GUK1: variants seen among roughly 807,000 people sequenced by gnomAD.
The protein encoded by GUK1 is guanylate kinase 1.
Under a neutral mutation model 25.2 loss-of-function variants are expected in GUK1, and 18 were observed. That is an observed-to-expected ratio of 0.71 (90% CI 0.49 to 1.06). The LOEUF (loss-of-function observed/expected upper bound fraction) is 1.06, where lower values mean the gene tolerates loss of function less well. GUK1 is among the 50% of genes least tolerant of loss of function. The probability of loss-of-function intolerance (pLI) is 0.00; values close to 1 mark genes in which losing one functional copy is unlikely to be tolerated. For missense variants in GUK1, 261 were observed against 276.7 expected (o/e 0.94, Z 0.40); for synonymous variants, 105 against 117.6 (o/e 0.89, Z 0.69).
rs148626860 is a variant in GUK1 at position 228,142,478 on chromosome 1, T to C, written c.-3+1190T>C. On this transcript the variant is annotated intron_variant, in intron 2 of 8. Transcript: ENST00000312726. ...CGGGCCCAGCCTCACCTCAATAGCT[T>C]ACTGCTCCCTCAGGAGGGAGGAGGG... Among the ~76,000 whole-genome samples, 16 of 152,052 alleles carry C rather than the reference T, an allele frequency of 1.1e-4. No homozygotes were observed. In the East Asian group the frequency reaches 3.1e-3, roughly 30 times the overall value.
chr1:228,148,375 G>A lies in GUK1; in HGVS notation c.480G>A (p.Lys160=). The change falls in exon 8 of 9, where the codon AAG becomes AAA. Residue 160 remains lysine (K), a synonymous_variant. Coordinates refer to ENST00000312726, the MANE Select transcript of GUK1 (RefSeq NM_000858.7). ...GACCCCAGGCCCCACCCACAGGCAA[G>A]GAGCCCGGCCTGTTTGATGTGGTCA... The A allele has an allele frequency of 6.4e-7, 1 of 1,556,384 alleles. No homozygotes were observed. The highest frequency in any genetic ancestry group is 2.3e-5 in the East Asian group (1 of 43,880).
chr1:228,140,706 C>A (rs1263097728), intron 1 of GUK1, among the ~76,000 whole-genome samples: 1 of 152,256 alleles, frequency 6.6e-6, no homozygotes, highest in Non-Finnish European at 1.5e-5. Context: ...CTACCGCTGG[C>A]CCGGCGCGGT....
At chr1:228,144,062 G>C (rs1291294268) in intron 2 of GUK1, among the ~76,000 whole-genome samples, 1 of 148,886 alleles carries the variant, frequency 6.7e-6, no homozygotes, top group Non-Finnish European at 1.5e-5. Context: ...TTTGCTTGGT[G>C]TGCGTGCATT....
intron 2 of GUK1, chr1:228,144,639 A>C: frequency 1.3e-6 from 1 of 778,686 alleles, no homozygotes; most frequent in East Asian, 1.3e-4. Flanking sequence ...GTGGCTTAGA[A>C]GGGTGGGGCC....
At chr1:228,147,766 C>T (rs1019061880) in intron 7 of GUK1, 67 bp downstream of exon 6, 30 of 1,441,514 alleles carry the variant, frequency 2.1e-5, no homozygotes, top group African/African-American at 1.7e-4. Flanking sequence ...TCTGTGGCAC[C>T]AGGGACCCTG....
At chr1:228,141,414 G>A (rs1321606439) in intron 2 of GUK1, 4 of 370,084 alleles carry the variant, frequency 1.1e-5, no homozygotes, top group Non-Finnish European at 1.5e-5. Context: ...CCGGATGTGT[G>A]CCCAGAAACC....
In GUK1 at chr1:228,147,398, C is replaced by T. The variant is rs375124006; in HGVS notation, c.252-8C>T. 6.2e-7 allele frequency: 1 copy of T among 1,608,002 alleles called. No individual in the cohort carries two copies. The highest frequency in any genetic ancestry group is 8.5e-7 in the Non-Finnish European group (1 of 1,178,038). ...TGGCACCCCTGCTGACCTGGCACCT[C>T]TCCCCAGCAAGGTGGCGGTGCAGGC... On this transcript the variant is annotated splice_polypyrimidine_tract_variant and splice_region_variant and intron_variant, in intron 5 of 8. Transcript: ENST00000312726.
At chr1:228,147,326 G>C in intron 5 of GUK1, 80 bp from the exon 5 acceptor site, 2 of 1,384,158 alleles carry the variant, frequency 1.4e-6, no homozygotes, top group South Asian at 1.3e-5. Context: ...CGCTGGGCCC[G>C]GGAGGGCCTG....
chr1:228,140,430 G>A (rs1462301430), intron 1 of GUK1, 67 bp downstream of exon 1: 14 of 1,159,910 alleles, frequency 1.2e-5, no homozygotes, highest in Non-Finnish European at 1.6e-5. Flanking sequence ...TGCGCTTTGC[G>A]GTCGCCCAGT....
chr1:228,144,327 AC>A (rs951921653), intron 2 of GUK1: 1 of 152,238 alleles, frequency 6.6e-6, no homozygotes, highest in African/African-American at 2.4e-5. Context: ...GAGGCCATTC[AC>A]GCCTCGCCTG....
At chr1:228,141,769 G>A (rs1420848414) in intron 2 of GUK1, 55 of 1,294,426 alleles carry the variant, frequency 4.2e-5, no homozygotes, top group Non-Finnish European at 5.5e-5. Flanking sequence ...ATGGATCTGC[G>A]CCGGCGGCTC....
chr1:228,141,151 C>T lies in GUK1; in HGVS notation c.-140C>T, dbSNP rs1431078954. ...TTGCTCTGCTCTTTACCTGGGGTTG[C>T]TGTCGAGGACCCTGTGCAAGACTCG... On this transcript the variant is annotated 5_prime_UTR_variant, in exon 2 of 9. Coordinates refer to ENST00000312726, the MANE Select transcript of GUK1 (RefSeq NM_000858.7). 7 of 985,558 alleles carry T rather than the reference C, an allele frequency of 7.1e-6. No homozygotes were observed. The highest frequency in any genetic ancestry group is 8.4e-6 in the Non-Finnish European group (7 of 829,982). The allele number at this position is 985,558 out of a possible 1,614,324, so 61.1% of individuals were successfully genotyped here.
Position 228,147,561 on chromosome 1 carries a change from G to T in GUK1, c.390+17G>T. 1 of 1,613,112 alleles carries T rather than the reference G, an allele frequency of 6.2e-7. No individual in the cohort carries two copies. Among genetic ancestry groups the T allele is most frequent in the East Asian group, 2.2e-5 (1 of 44,870 alleles). Reference sequence around the variant, plus strand: ...CACGTGCTGGTGTGTGCTGGGCAGGGTTGGGGGCTGGGGGCCAGGGCATGC... The same window carrying T: ...CACGTGCTGGTGTGTGCTGGGCAGGTTTGGGGGCTGGGGGCCAGGGCATGC... On this transcript the variant is annotated intron_variant, in intron 6 of 8. Transcript: ENST00000312726.
intron 2 of GUK1, among the ~76,000 whole-genome samples, chr1:228,143,592 G>A (rs1010147802): frequency 6.6e-6 from 1 of 152,162 alleles, no homozygotes; most frequent in African/African-American, 2.4e-5. Flanking sequence ...GGAGACTCTG[G>A]GGGGCTCCTA....
At chr1:228,140,142 G>A (rs2033960629), upstream of GUK1, 1 of 624,162 alleles carries the variant, frequency 1.6e-6, no homozygotes, top group Admixed American at 3.1e-5. Flanking sequence ...GTGGAGGCGG[G>A]GCTAGCGAGG....
chr1:228,143,266 T>C (rs1004614411), intron 2 of GUK1, among the ~76,000 whole-genome samples: 3 of 152,052 alleles, frequency 2.0e-5, no homozygotes, highest in African/African-American at 7.2e-5. Flanking sequence ...TGGTTGTGGG[T>C]TGGCAGGGCA....
chr1:228,142,887 C>T (rs376956034), intron 2 of GUK1, among the ~76,000 whole-genome samples: 37 of 151,798 alleles, frequency 2.4e-4, no homozygotes, highest in East Asian at 7.9e-4. Flanking sequence ...CTTCTGAGGA[C>T]GCAAAAACTC....
chr1:228,144,590 C>A, intron 2 of GUK1: 1 of 314,628 alleles, frequency 3.2e-6, no homozygotes, highest in Non-Finnish European at 4.6e-6. Flanking sequence ...GGCTGCTTCC[C>A]TGCAAGGGCC....
chr1:228,140,278 C>A, upstream of GUK1: 1 of 1,528,660 alleles, frequency 6.5e-7, no homozygotes. Flanking sequence ...CACGTAGGTT[C>A]AGTGGGCGGA....
Sources: allele counts gnomAD v4.1 joint callset (sites outside exome capture counted in the v4.1 genomes callset), GRCh38; gene constraint gnomAD v4.1.1; transcripts MANE v1.5; gene names NCBI Gene and HGNC (gene_info 2026-07-23, HGNC 2026-07-21).